Variants in STARD13 observed in about 807,000 individuals in gnomAD.
The protein encoded by STARD13 is stAR-related lipid transfer protein 13.
In STARD13, 62 loss-of-function variants were observed where a neutral mutation model predicts 106.4. The observed-to-expected ratio is 0.58, with a 90% CI of 0.48 to 0.72. STARD13 has a LOEUF of 0.72. Among genes scored for constraint, STARD13 ranks in the 30% least tolerant of loss-of-function variants. STARD13 has a pLI of 0.00. For synonymous variants in STARD13, 565 were observed against 553.0 expected (o/e 1.02, Z -0.31); for missense variants, 1,387 against 1,424.0 (o/e 0.97, Z 0.42).
intron 1 of STARD13, among the ~76,000 whole-genome samples, chr13:33,301,559 T>C (rs551068777): frequency 0.017 from 282 of 16,728 alleles, 2 homozygotes; most frequent in Middle Eastern, 0.062. Context: ...TTTCTTTTTC[T>C]TTTTTTTTCT....
chr13:33,462,810 G>C, the STARD13 span, among the ~76,000 whole-genome samples: 1 of 152,166 alleles, frequency 6.6e-6, no homozygotes, highest in Non-Finnish European at 1.5e-5. Context: ...CCCAGATTGA[G>C]GGTGGGTCCA....
the STARD13 span, among the ~76,000 whole-genome samples, chr13:33,502,718 C>T: frequency 6.6e-6 from 1 of 152,224 alleles, no homozygotes; most frequent in Non-Finnish European, 1.5e-5. Context: ...ACCAGCCTTG[C>T]ATCGCAGTGA....
At chr13:33,674,714 T>C in the STARD13 span, among the ~76,000 whole-genome samples, 54 of 152,124 alleles carry the variant, frequency 3.5e-4, no homozygotes, top group African/African-American at 1.3e-3. Context: ...TCATCTTTAG[T>C]AAAAGAAACA....
At chr13:33,660,064 T>C in the STARD13 span, 4 of 152,124 alleles carry the variant, frequency 2.6e-5, no homozygotes, top group Non-Finnish European at 5.9e-5. Context: ...CAGAGGAACA[T>C]TGAGGGAGGA....
chr13:33,541,105 T>C, the STARD13 span, among the ~76,000 whole-genome samples: 3 of 152,016 alleles, frequency 2.0e-5, no homozygotes, highest in Non-Finnish European at 4.4e-5. Flanking sequence ...AGTATAATGG[T>C]AGCAAAATGA....
At chr13:33,154,524 C>A (rs1404787035) in intron 3 of STARD13, among the ~76,000 whole-genome samples, 1 of 152,132 alleles carries the variant, frequency 6.6e-6, no homozygotes. Context: ...TGTAAATAAG[C>A]TATGTGCTTT....
the STARD13 span, among the ~76,000 whole-genome samples, chr13:33,461,611 G>T: frequency 4.6e-5 from 7 of 152,258 alleles, no homozygotes; most frequent in East Asian, 1.4e-3. Context: ...ATTTATACTT[G>T]TTAGTTTGTG....
At chr13:33,578,027 C>T in the STARD13 span, among the ~76,000 whole-genome samples, 1 of 152,056 alleles carries the variant, frequency 6.6e-6, no homozygotes, top group Non-Finnish European at 1.5e-5. Context: ...GGAAATACAT[C>T]CCTTGCTCAT....
At chr13:33,134,611 A>G (rs1046467125) in intron 4 of STARD13, among the ~76,000 whole-genome samples, 2 of 152,256 alleles carry the variant, frequency 1.3e-5, no homozygotes, top group Non-Finnish European at 2.9e-5. Context: ...TAGAAAATGA[A>G]AACAATAATA....
chr13:33,209,576 C>A (rs539958289), intron 1 of STARD13, among the ~76,000 whole-genome samples: 62 of 152,138 alleles, frequency 4.1e-4, no homozygotes, highest in Middle Eastern at 6.8e-3. Flanking sequence ...TAGGACAGAT[C>A]TGCTGGTCGT....
chr13:33,638,522 T>C, the STARD13 span, among the ~76,000 whole-genome samples: 2 of 152,170 alleles, frequency 1.3e-5, no homozygotes, highest in Non-Finnish European at 2.9e-5. Flanking sequence ...GAAAAGAGTG[T>C]CTGGGTTAAG....
At chr13:33,230,669 G>C (rs975829500) in intron 1 of STARD13, among the ~76,000 whole-genome samples, 18 of 152,222 alleles carry the variant, frequency 1.2e-4, no homozygotes, top group African/African-American at 3.9e-4. Context: ...TCCTCATGTT[G>C]ATTCATCTGA....
At chr13:33,199,472 A>T (rs1343083842) in intron 1 of STARD13, among the ~76,000 whole-genome samples, 2 of 152,198 alleles carry the variant, frequency 1.3e-5, no homozygotes, top group Non-Finnish European at 2.9e-5. Flanking sequence ...CACCAACACC[A>T]AATAAGTGAA....
chr13:33,516,140 AT>A, the STARD13 span, among the ~76,000 whole-genome samples: 1 of 148,096 alleles, frequency 6.8e-6, no homozygotes, highest in Non-Finnish European at 1.5e-5. Context: ...GAAGTGTTAT[AT>A]ATAATTTATA....
intron 2 of STARD13, among the ~76,000 whole-genome samples, chr13:33,166,668 G>A (rs965346924): frequency 6.6e-6 from 1 of 152,156 alleles, no homozygotes; most frequent in African/African-American, 2.4e-5. Flanking sequence ...TTAGATATAA[G>A]GGACATGAGT....
chr13:33,381,600 C>T, the STARD13 span, among the ~76,000 whole-genome samples: 2 of 151,930 alleles, frequency 1.3e-5, no homozygotes, highest in African/African-American at 4.8e-5. Flanking sequence ...ATTAGCCAGG[C>T]GTGGTGGCAG....
chr13:33,355,001 G>A, upstream of STARD13, among the ~76,000 whole-genome samples: 1 of 151,732 alleles, frequency 6.6e-6, no homozygotes, highest in East Asian at 1.9e-4. Flanking sequence ...CTTTTAAAAT[G>A]TAGTTTTTAA....
At chr13:33,481,554 A>G in the STARD13 span, among the ~76,000 whole-genome samples, 1 of 152,230 alleles carries the variant, frequency 6.6e-6, no homozygotes, top group Non-Finnish European at 1.5e-5. Flanking sequence ...GAGAAAACAC[A>G]ATCTAATTTC....
chr13:33,364,301 AC>A, the STARD13 span, among the ~76,000 whole-genome samples: 4 of 152,180 alleles, frequency 2.6e-5, no homozygotes, highest in Non-Finnish European at 5.9e-5. Context: ...CTCCTTCTCA[AC>A]AAAAAATAAA....
Sources: gnomAD v4.1 joint callset for allele counts (sites outside exome capture counted in the v4.1 genomes callset) on GRCh38, gnomAD v4.1.1 for gene constraint, MANE v1.5 for transcripts, NCBI Gene and HGNC (gene_info 2026-07-23, HGNC 2026-07-21) for gene names.